The following GARRE1 variants were observed in gnomAD, a reference collection of about 807,000 sequenced individuals.
GARRE1 encodes granule associated Rac and RHOG effector 1, also known as granule associated Rac and RHOG effector protein 1.
Under a neutral mutation model 103.2 loss-of-function variants are expected in GARRE1, and 49 were observed. The ratio of observed to expected loss-of-function variants is 0.47; its 90% confidence interval spans 0.38 to 0.60. The LOEUF (loss-of-function observed/expected upper bound fraction) is 0.60, where lower values mean the gene tolerates loss of function less well. Among genes scored for constraint, GARRE1 ranks in the 20% least tolerant of loss-of-function variants. The pLI is 0.00. For synonymous variants in GARRE1, 505 were observed against 532.8 expected (o/e 0.95, Z 0.72); for missense variants, 1,199 against 1,370.5 (o/e 0.87, Z 1.98).
intron 8 of GARRE1, among the ~76,000 whole-genome samples, chr19:34,334,721 A>AAAAAGAG (rs2074153134): frequency 2.0e-5 from 3 of 151,538 alleles, no homozygotes. Context: ...AGAAAAAAGA[A>AAAAAGAG]AATGTATAAC....
chr19:34,326,338 A>C (rs2074111735), intron 3 of GARRE1, among the ~76,000 whole-genome samples: 1 of 152,242 alleles, frequency 6.6e-6, no homozygotes. Flanking sequence ...ACTGCTAAAA[A>C]ATGTTACTTG....
chr19:34,280,654 A>AT (rs755961128), intron 1 of GARRE1, among the ~76,000 whole-genome samples: 10 of 151,904 alleles, frequency 6.6e-5, no homozygotes, highest in Middle Eastern at 3.2e-3. Context: ...ATATTTAATG[A>AT]TTTTCACCCC....
chr19:34,339,403 A>T (rs940930732), intron 8 of GARRE1, among the ~76,000 whole-genome samples: 1 of 152,260 alleles, frequency 6.6e-6, no homozygotes, highest in South Asian at 2.1e-4. Flanking sequence ...GAAGAGGTGC[A>T]TAGCGTGAAG....
intron 1 of GARRE1, among the ~76,000 whole-genome samples, chr19:34,294,821 G>A (rs891087389): frequency 6.6e-6 from 1 of 152,066 alleles, no homozygotes; most frequent in African/African-American, 2.4e-5. Context: ...CTATGGGTGG[G>A]CAGCAACACA....
chr19:34,333,048 TG>T (rs1187423748), intron 7 of GARRE1, among the ~76,000 whole-genome samples: 2 of 152,110 alleles, frequency 1.3e-5, no homozygotes, highest in East Asian at 3.9e-4. Flanking sequence ...TTGACTTTTT[TG>T]TTTGTTTGTT....
chr19:34,288,792 T>C (rs1036038274), intron 1 of GARRE1, among the ~76,000 whole-genome samples: 5 of 152,260 alleles, frequency 3.3e-5, no homozygotes, highest in African/African-American at 1.2e-4. Context: ...AGTGTCCCTG[T>C]AAGCTGAAGA....
At chr19:34,323,301 G>A (rs903161495) in intron 3 of GARRE1, among the ~76,000 whole-genome samples, 1 of 152,036 alleles carries the variant, frequency 6.6e-6, no homozygotes, top group South Asian at 2.1e-4. Flanking sequence ...AAAGTGCTGG[G>A]ATTACAGGCG....
intron 1 of GARRE1, among the ~76,000 whole-genome samples, chr19:34,265,807 C>T (rs1456598997): frequency 6.6e-6 from 1 of 152,170 alleles, no homozygotes; most frequent in Non-Finnish European, 1.5e-5. Flanking sequence ...ATGGCAGAGG[C>T]TGTGCTTTAT....
intron 1 of GARRE1, among the ~76,000 whole-genome samples, chr19:34,255,774 A>G (rs183978756): frequency 1.3e-3 from 201 of 151,702 alleles, no homozygotes; most frequent in Middle Eastern, 3.4e-3. Flanking sequence ...TGTTGGGATT[A>G]CAAGTGTGAG....
At chr19:34,341,376 T>A (rs575814770) in intron 9 of GARRE1, 46 bp from the exon 10 acceptor site, 1 of 1,466,288 alleles carries the variant, frequency 6.8e-7, no homozygotes, top group East Asian at 2.4e-5. Context: ...TTTATTATTT[T>A]ATATATTTGT....
intron 1 of GARRE1, among the ~76,000 whole-genome samples, chr19:34,262,400 A>G (rs937433002): frequency 2.0e-5 from 3 of 148,578 alleles, no homozygotes; most frequent in Admixed American, 6.9e-5. Context: ...GGTCGAAGCA[A>G]TTCTCCTGCC....
chr19:34,255,142 T>C (rs1049357248), intron 1 of GARRE1, among the ~76,000 whole-genome samples: 5 of 151,098 alleles, frequency 3.3e-5, no homozygotes, highest in African/African-American at 1.2e-4. Context: ...AGGAACGCGC[T>C]TTTCCGGCCC....
intron 10 of GARRE1, 56 bp downstream of exon 10, chr19:34,342,511 G>GTCT (rs1568311780): frequency 4.1e-6 from 6 of 1,476,230 alleles, no homozygotes; most frequent in Non-Finnish European, 5.6e-6. Context: ...AACTGCCGAG[G>GTCT]TCTTCCCAGG....
intron 2 of GARRE1, among the ~76,000 whole-genome samples, chr19:34,302,748 T>G (rs1292886036): frequency 9.3e-5 from 14 of 151,166 alleles, no homozygotes; most frequent in Admixed American, 1.3e-4. Context: ...TTTTTTTTTT[T>G]TTTTTTTTTT....
rs547058412 is a variant in GARRE1 at position 34,353,550 on chromosome 19, C to A, written c.*595C>A. On this transcript the variant is annotated 3_prime_UTR_variant, in exon 14 of 14. Coordinates refer to ENST00000299505, the MANE Select transcript of GARRE1 (RefSeq NM_014686.5). ...TATATTTAAGCTTATACAAAATGGG[C>A]AAAATATAGAATATTTGTGATTGGA... is the stretch of plus-strand genomic sequence containing the variant. 6.6e-6 allele frequency: 1 copy of A among 152,466 alleles called. No individual in the cohort carries two copies. The highest frequency in any genetic ancestry group is 2.4e-5 in the African/African-American group (1 of 41,554). The allele number at this position is 152,466 out of a possible 1,614,324, so 9.4% of individuals were successfully genotyped here.
chr19:34,335,303 A>T (rs2074156045), intron 8 of GARRE1, among the ~76,000 whole-genome samples: 1 of 152,210 alleles, frequency 6.6e-6, no homozygotes, highest in South Asian at 2.1e-4. Context: ...ATTCACATTC[A>T]GCTATAAGGA....
intron 2 of GARRE1, among the ~76,000 whole-genome samples, chr19:34,303,321 TC>T (rs1177158714): frequency 6.6e-6 from 1 of 152,208 alleles, no homozygotes; most frequent in Admixed American, 6.5e-5. Context: ...CCTTACCCCA[TC>T]CTGGGGTTAA....
Position 34,352,890 on chromosome 19 carries a change from C to T in GARRE1, c.3148C>T (p.Pro1050Ser), listed in dbSNP as rs1479489436. ...ACCCCCACCAGCACACAAGGCAGCACCCAAGGGCTTCAAGGCCTTCCCTGG... is the reference window on the plus strand; with the variant it reads ...ACCCCCACCAGCACACAAGGCAGCATCCAAGGGCTTCAAGGCCTTCCCTGG... The part of the protein sequence containing the change: ...PPPPPAHKAA[P>S]KGFKAFPGKG... The change falls in exon 14 of 14, where the codon CCC (proline) becomes TCC (serine). Residue 1050 changes from proline to serine, a missense_variant. Pro to Ser is a moderately conservative substitution (Grantham distance 74). Transcript: ENST00000299505. 6.3e-7 allele frequency: 1 copy of T among 1,584,832 alleles called. No individual in the cohort carries two copies. Among genetic ancestry groups the T allele is most frequent in the Admixed American group, 1.8e-5 (1 of 55,162 alleles).
intron 1 of GARRE1, among the ~76,000 whole-genome samples, chr19:34,258,200 A>G (rs1216895256): frequency 1.3e-5 from 2 of 152,006 alleles, no homozygotes; most frequent in Admixed American, 6.6e-5. Context: ...TAGTGTGGTC[A>G]TTTCCTGAAA....
Sources: allele counts gnomAD v4.1 joint callset (sites outside exome capture counted in the v4.1 genomes callset), GRCh38; gene constraint gnomAD v4.1.1; transcripts MANE v1.5; gene names NCBI Gene and HGNC (gene_info 2026-07-23, HGNC 2026-07-21).